The following GDPD1 variants were observed in gnomAD, a reference collection of about 807,000 sequenced individuals.
GDPD1 encodes lysophospholipase D GDPD1.
Under a neutral mutation model 45.1 loss-of-function variants are expected in GDPD1, and 28 were observed. That is an observed-to-expected ratio of 0.62 (90% CI 0.46 to 0.85). GDPD1 has a LOEUF of 0.85. Among genes scored for constraint, GDPD1 ranks in the 40% least tolerant of loss-of-function variants. The pLI is 0.00. For missense variants in GDPD1, 256 were observed against 364.8 expected (o/e 0.70, Z 2.43); for synonymous variants, 139 against 131.4 (o/e 1.06, Z -0.40).
intron 1 of GDPD1, among the ~76,000 whole-genome samples, chr17:59,233,337 C>G (rs12943401): frequency 6.6e-6 from 1 of 151,858 alleles, no homozygotes; most frequent in African/African-American, 2.4e-5. Context: ...CACGGTGAAA[C>G]CCCGTCTCTA....
chr17:59,220,661 G>A lies in GDPD1; in HGVS notation c.52G>A (p.Val18Met), dbSNP rs1383036251. 3 of 1,614,142 alleles carry A rather than the reference G, an allele frequency of 1.9e-6. No homozygotes were observed. The highest frequency in any genetic ancestry group is 4.5e-5 in the East Asian group (2 of 44,858). ...YLLSTLGGYL[V>M]TSFLLLKYPT... ...TCTCTCTACGCTAGGAGGATACTTG[G>A]TGACCTCATTCTTGTTGCTTAAATA... The change falls in exon 1 of 10, where the codon GTG (valine) becomes ATG (methionine). Residue 18 changes from valine to methionine, a missense_variant. Physicochemically the swap from Val to Met is conservative, Grantham distance 21 (BLOSUM62 1). Transcript: ENST00000284116.
intron 1 of GDPD1, 133 bp downstream of exon 1, chr17:59,220,884 T>A (rs1357044511): frequency 9.9e-7 from 1 of 1,014,408 alleles, no homozygotes; most frequent in Non-Finnish European, 1.4e-6. Flanking sequence ...TGAGGGCTCT[T>A]CCGGAGGTGA....
At chr17:59,257,499 G>C (rs896680963) in intron 5 of GDPD1, among the ~76,000 whole-genome samples, 1 of 152,106 alleles carries the variant, frequency 6.6e-6, no homozygotes, top group South Asian at 2.1e-4. Context: ...TTATCTTCTA[G>C]TTTAACTTGT....
chr17:59,256,983 G>A (rs756108298), intron 4 of GDPD1, 139 bp from the exon 5 acceptor site: 6 of 448,952 alleles, frequency 1.3e-5, no homozygotes, highest in Non-Finnish European at 1.9e-5. Context: ...TAAGTTGTTG[G>A]ATTTACATGA....
intron 3 of GDPD1, 69 bp downstream of exon 3, chr17:59,245,618 G>A (rs1334155578): frequency 1.1e-5 from 12 of 1,128,584 alleles, no homozygotes; most frequent in Non-Finnish European, 1.5e-5. Context: ...TTTTAAAATA[G>A]CGAATATCAG....
intron 7 of GDPD1, among the ~76,000 whole-genome samples, chr17:59,267,490 T>C (rs2047407545): frequency 6.6e-6 from 1 of 152,166 alleles, no homozygotes; most frequent in South Asian, 2.1e-4. Flanking sequence ...CTTTCCCTTA[T>C]TGCTTTCTAC....
intron 6 of GDPD1, among the ~76,000 whole-genome samples, chr17:59,264,505 T>A (rs1434019774): frequency 1.3e-5 from 2 of 152,048 alleles, no homozygotes; most frequent in Non-Finnish European, 2.9e-5. Flanking sequence ...TTGGCCAGAC[T>A]GGTCTCGAAC....
At chr17:59,231,380 GCAGTGGCACGATCT>G (rs369242848) in intron 1 of GDPD1, among the ~76,000 whole-genome samples, 125 of 136,186 alleles carry the variant, frequency 9.2e-4, no homozygotes, top group African/African-American at 3.4e-3. Flanking sequence ...AGGCTGGAGT[GCAGTGGCACGATCT>G]CAGCTCACTG....
chr17:59,272,082 T>C (rs1190209057), intron 8 of GDPD1, among the ~76,000 whole-genome samples: 3 of 152,192 alleles, frequency 2.0e-5, no homozygotes, highest in Admixed American at 6.6e-5. Flanking sequence ...ATGCATTTTT[T>C]TTCTTTTTTC....
chr17:59,229,583 A>G (rs1485404609), intron 1 of GDPD1, among the ~76,000 whole-genome samples: 2 of 151,374 alleles, frequency 1.3e-5, no homozygotes, highest in Non-Finnish European at 2.9e-5. Flanking sequence ...GTGGGTCTCG[A>G]ACTCCTGGAC....
intron 2 of GDPD1, among the ~76,000 whole-genome samples, chr17:59,242,188 G>A (rs1027835297): frequency 6.6e-6 from 1 of 151,984 alleles, no homozygotes; most frequent in Non-Finnish European, 1.5e-5. Flanking sequence ...TCAGCCTTCC[G>A]AGTAGCTGGG....
At chr17:59,259,480 T>C (rs2047335706) in intron 6 of GDPD1, among the ~76,000 whole-genome samples, 1 of 138,690 alleles carries the variant, frequency 7.2e-6, no homozygotes, top group Admixed American at 8.4e-5. Context: ...GGCAGGAGAA[T>C]GGCGTGAACC....
chr17:59,267,644 A>G (rs1319384337), intron 7 of GDPD1, among the ~76,000 whole-genome samples: 3 of 151,884 alleles, frequency 2.0e-5, no homozygotes, highest in African/African-American at 4.8e-5. Flanking sequence ...GTTAGTTTAT[A>G]TAGGATACTG....
intron 2 of GDPD1, among the ~76,000 whole-genome samples, chr17:59,245,086 GAGA>G (rs1335105850): frequency 6.6e-6 from 1 of 152,182 alleles, no homozygotes; most frequent in Non-Finnish European, 1.5e-5. Context: ...TAGTCCCTGA[GAGA>G]AGAATTTACT....
In GDPD1 at chr17:59,267,096, T is replaced by C. The variant is rs1480850393; in HGVS notation, c.632T>C (p.Leu211Pro). 1.2e-6 allele frequency: 2 copies of C among 1,613,366 alleles called. No homozygotes were observed. The highest frequency in any genetic ancestry group is 1.7e-6 in the Non-Finnish European group (2 of 1,179,434). Residue 211 changes from leucine to proline, a missense_variant, in exon 7 of 10, where the codon CTT becomes CCT. Leu to Pro is a moderately conservative substitution (Grantham distance 98). Coordinates refer to ENST00000284116, the MANE Select transcript of GDPD1 (RefSeq NM_182569.4). ...CAACGTGTCCTGCTCATTCTTGGCC[T>C]TTTCTTCACTGGCCTCTTGCCCTTT... is the stretch of plus-strand genomic sequence containing the variant. Reference protein sequence around the residue: ...SLQRVLLILGLFFTGLLPFVP... With the variant: ...SLQRVLLILGPFFTGLLPFVP...
At chr17:59,258,807 ATT>A (rs1407070259) in intron 6 of GDPD1, among the ~76,000 whole-genome samples, 1 of 151,970 alleles carries the variant, frequency 6.6e-6, no homozygotes, top group Non-Finnish European at 1.5e-5. Context: ...AGGTAATTAA[ATT>A]TTTTGTGTGT....
At chr17:59,226,084 C>G (rs1366104275) in intron 1 of GDPD1, among the ~76,000 whole-genome samples, 1 of 152,170 alleles carries the variant, frequency 6.6e-6, no homozygotes, top group Non-Finnish European at 1.5e-5. Flanking sequence ...TTGATGCTAG[C>G]ACTGTCCCAG....
intron 6 of GDPD1, among the ~76,000 whole-genome samples, chr17:59,262,827 C>T (rs1426207596): frequency 2.6e-5 from 4 of 151,894 alleles, no homozygotes; most frequent in African/African-American, 9.7e-5. Context: ...AGGGTTTCAC[C>T]ATGTTGGTCA....
In GDPD1 at chr17:59,229,521, G is replaced by A. The variant is rs536339056; in HGVS notation, c.143-4971G>A. On this transcript the variant is annotated intron_variant, in intron 1 of 9. Coordinates refer to ENST00000284116, the MANE Select transcript of GDPD1 (RefSeq NM_182569.4). ...ATTACAGGCGTGAGCCACTGCGCCT[G>A]GCCTAATTTTTGTATTTTTAGTAGA... 3.5e-5 allele frequency among the ~76,000 whole-genome samples: 5 copies of A among 143,864 alleles called. No homozygotes were observed. In the East Asian group the frequency reaches 1.0e-3, roughly 29 times the overall value. The allele number at this position is 143,864 out of a possible 152,430, so 94.4% of individuals were successfully genotyped here. A position where few individuals can be genotyped will look rare whatever the true frequency, so the allele number is the denominator to read the frequency against.
Sources: allele counts gnomAD v4.1 joint callset (sites outside exome capture counted in the v4.1 genomes callset), GRCh38; gene constraint gnomAD v4.1.1; transcripts MANE v1.5; gene names NCBI Gene and HGNC (gene_info 2026-07-23, HGNC 2026-07-21).